The following B3GALT1 variants were observed in gnomAD, a reference collection of about 807,000 sequenced individuals.
The protein encoded by B3GALT1 is beta-1,3-galactosyltransferase 1.
A neutral mutation model predicts 23.2 loss-of-function variants in B3GALT1; 10 were observed. The ratio of observed to expected loss-of-function variants is 0.43; its 90% CI spans 0.27 to 0.73. B3GALT1 has a LOEUF of 0.73. Among genes scored for constraint, B3GALT1 ranks in the 30% least tolerant of loss-of-function variants. The pLI is 0.21. For synonymous variants in B3GALT1, 156 were observed against 141.5 expected, an observed-to-expected ratio of 1.10 and a Z score of -0.73; for missense variants, 299 against 405.4, an observed-to-expected ratio of 0.74 and a Z score of 2.25.
At position 167,419,897 on chromosome 2, in the gene B3GALT1, A is replaced by T. The variant is rs78832527; in HGVS notation, c.-510-70280A>T. Among the ~76,000 whole-genome samples the T allele has an allele frequency of 4.8e-3, 733 of 152,322 alleles. 6 individuals carry two copies. Among genetic ancestry groups the T allele is most frequent in the East Asian group, 0.018 (94 of 5,186 alleles). ...ATACTGTATCAGGTAAAGTTATCAG[A>T]CTGGACTAAAGCCACTGCTATAATG... is the stretch of plus-strand genomic sequence containing the variant. On this transcript the variant is annotated intron_variant, in intron 1 of 4. Coordinates refer to ENST00000392690, the MANE Select transcript of B3GALT1 (RefSeq NM_020981.4).
At chr2:167,804,853 T>G (rs988349796) in intron 3 of B3GALT1, among the ~76,000 whole-genome samples, 8 of 152,192 alleles carry the variant, frequency 5.3e-5, no homozygotes, top group African/African-American at 9.7e-5. Flanking sequence ...GTAATGGGAT[T>G]GCTGGGTCAA....
chr2:167,714,473 G>C, intron 3 of B3GALT1: 1 of 1,600,430 alleles, frequency 6.2e-7, no homozygotes, highest in South Asian at 1.1e-5. Context: ...AAAAGCTCTC[G>C]TTTCAGATGA....
At chr2:167,865,721 G>T (rs1042933332) in intron 4 of B3GALT1, among the ~76,000 whole-genome samples, 4 of 152,146 alleles carry the variant, frequency 2.6e-5, no homozygotes, top group Non-Finnish European at 5.9e-5. Context: ...GAACCCGGGA[G>T]GCGGAGTTTG....
At chr2:167,361,179 G>C (rs1232497401) in intron 1 of B3GALT1, among the ~76,000 whole-genome samples, 1 of 148,204 alleles carries the variant, frequency 6.7e-6, no homozygotes, top group African/African-American at 2.5e-5. Flanking sequence ...TGTGAGTTCA[G>C]ATATCTCTTT....
chr2:167,561,991 G>A (rs1684005492), intron 2 of B3GALT1, among the ~76,000 whole-genome samples: 1 of 152,150 alleles, frequency 6.6e-6, no homozygotes, highest in Non-Finnish European at 1.5e-5. Flanking sequence ...AAGCCGGCCA[G>A]AAACACAACC....
rs544819496 is a variant in B3GALT1 at position 167,703,397 on chromosome 2, T to G, written c.-352+56431T>G. ...CATGAATGGTTAGGAGTTTGGTGTA[T>G]GAGCCCCTGACCCATGCTGAAGTGA... On this transcript the variant is annotated intron_variant, in intron 3 of 4. Coordinates refer to ENST00000392690, the MANE Select transcript of B3GALT1 (RefSeq NM_020981.4). Among the ~76,000 whole-genome samples, 4 of 152,296 alleles carry G rather than the reference T, an allele frequency of 2.6e-5. No homozygotes were observed. In the South Asian group the frequency reaches 8.3e-4, roughly 32 times the overall value.
intron 3 of B3GALT1, among the ~76,000 whole-genome samples, chr2:167,683,719 AAAAATT>A (rs780249325): frequency 1.5e-3 from 233 of 152,156 alleles, no homozygotes; most frequent in Non-Finnish European, 2.5e-3. Context: ...AGTCTGTCTC[AAAAATT>A]AAAATTAAAA....
intron 2 of B3GALT1, among the ~76,000 whole-genome samples, chr2:167,563,783 A>AC (rs1398876282): frequency 2.1e-5 from 1 of 47,246 alleles, no homozygotes; most frequent in Non-Finnish European, 4.6e-5. Flanking sequence ...CTCGGGGCTG[A>AC]CCCCCCCACC....
Position 167,454,540 on chromosome 2 carries a change from A to G in B3GALT1, c.-510-35637A>G, listed in dbSNP as rs1051014020. On this transcript the variant is annotated intron_variant, in intron 1 of 4. Transcript: ENST00000392690. The stretch of plus-strand genomic sequence containing the variant: ...GACCAGTTTCTCAAATACAATTGAT[A>G]TAGCAGGAGAGACGTGGTTCAGAAT... Among the ~76,000 whole-genome samples the G allele has an allele frequency of 5.9e-5, 9 of 152,204 alleles. 1 individual carries two copies. The highest frequency in any genetic ancestry group is 1.9e-4 in the African/African-American group (8 of 41,462).
chr2:167,701,212 G>A (rs1381787916), intron 3 of B3GALT1, among the ~76,000 whole-genome samples: 1 of 152,130 alleles, frequency 6.6e-6, no homozygotes, highest in African/African-American at 2.4e-5. Context: ...GAAGTGTCTG[G>A]AAGCTGTAGG....
intron 2 of B3GALT1, among the ~76,000 whole-genome samples, chr2:167,498,247 C>G (rs1449508718): frequency 6.6e-6 from 1 of 152,046 alleles, no homozygotes; most frequent in Non-Finnish European, 1.5e-5. Flanking sequence ...TGTATCAAGG[C>G]TTTTTATAGG....
At chr2:167,411,204 C>T (rs1299487847) in intron 1 of B3GALT1, among the ~76,000 whole-genome samples, 4 of 151,120 alleles carry the variant, frequency 2.6e-5, no homozygotes, top group Admixed American at 2.6e-4. Context: ...GGGATTACAT[C>T]AAGCTAAAAA....
At chr2:167,595,284 C>CA (rs1262353402) in intron 2 of B3GALT1, among the ~76,000 whole-genome samples, 1 of 152,078 alleles carries the variant, frequency 6.6e-6, no homozygotes, top group Non-Finnish European at 1.5e-5. Flanking sequence ...GGTAATAGAG[C>CA]AAAAATAGAC....
At chr2:167,755,446 T>G (rs1353859654) in intron 3 of B3GALT1, among the ~76,000 whole-genome samples, 2 of 149,518 alleles carry the variant, frequency 1.3e-5, no homozygotes, top group African/African-American at 4.9e-5. Context: ...TTCCATTTCT[T>G]CCCGAGAATT....
At chr2:167,500,216 A>G (rs1699832925) in intron 2 of B3GALT1, among the ~76,000 whole-genome samples, 1 of 152,172 alleles carries the variant, frequency 6.6e-6, no homozygotes, top group Admixed American at 6.5e-5. Context: ...AACCTCTGTC[A>G]ATCTTAATTG....
At chr2:167,441,595 T>C (rs1276499615) in intron 1 of B3GALT1, among the ~76,000 whole-genome samples, 1 of 152,246 alleles carries the variant, frequency 6.6e-6, no homozygotes, top group East Asian at 1.9e-4. Context: ...GATAGCACTC[T>C]TCCTTAACCA....
chr2:167,663,577 A>G (rs1297599654), intron 3 of B3GALT1, among the ~76,000 whole-genome samples: 2 of 151,248 alleles, frequency 1.3e-5, no homozygotes, highest in Admixed American at 6.6e-5. Flanking sequence ...AGTCCCACCA[A>G]CAGTGTAAAA....
chr2:167,535,417 G>A (rs1683399261), intron 2 of B3GALT1, among the ~76,000 whole-genome samples: 1 of 152,116 alleles, frequency 6.6e-6, no homozygotes, highest in South Asian at 2.1e-4. Flanking sequence ...CACCTGCAAT[G>A]TAACTTCAGG....
At chr2:167,617,303 G>T (rs1257853049) in intron 2 of B3GALT1, among the ~76,000 whole-genome samples, 1 of 152,042 alleles carries the variant, frequency 6.6e-6, no homozygotes, top group Non-Finnish European at 1.5e-5. Context: ...AAGAACATCT[G>T]TTTCATAATT....
Sources: gnomAD v4.1 joint callset for allele counts (sites outside exome capture counted in the v4.1 genomes callset) on GRCh38, gnomAD v4.1.1 for gene constraint, MANE v1.5 for transcripts, NCBI Gene and HGNC (gene_info 2026-07-23, HGNC 2026-07-21) for gene names.